Variants in HMCN1 observed in about 807,000 individuals in gnomAD.
The protein encoded by HMCN1 is hemicentin-1.
HMCN1 carries 321 observed loss-of-function variants against 625.9 expected under a neutral mutation model. The ratio of observed to expected loss-of-function variants is 0.51; its 90% CI spans 0.47 to 0.56. The LOEUF (loss-of-function observed/expected upper bound fraction) is 0.56, where lower values mean the gene tolerates loss of function less well. Ranked by LOEUF, HMCN1 falls within the 20% of genes least tolerant of loss-of-function variation. The probability of loss-of-function intolerance (pLI) is 0.00; values close to 1 mark genes in which losing one functional copy is unlikely to be tolerated. For synonymous variants in HMCN1, 2,425 were observed against 2,417.6 expected, an observed-to-expected ratio of 1.00 and a Z score of -0.09; for missense variants, 6,588 against 6,887.3, an observed-to-expected ratio of 0.96 and a Z score of 1.54.
intron 2 of HMCN1, among the ~76,000 whole-genome samples, chr1:185,860,920 G>A (rs925356462): frequency 6.6e-6 from 1 of 151,930 alleles, no homozygotes; most frequent in East Asian, 1.9e-4. Context: ...TGACCATCTT[G>A]ATTTTATTAA....
intron 1 of HMCN1, among the ~76,000 whole-genome samples, chr1:185,788,573 A>C (rs916740927): frequency 1.3e-5 from 2 of 152,312 alleles, no homozygotes; most frequent in African/African-American, 2.4e-5. Context: ...GGGGGTTTTT[A>C]CAGGAAGCCA....
chr1:185,836,264 T>TA (rs1661168404), intron 1 of HMCN1, among the ~76,000 whole-genome samples: 1 of 152,162 alleles, frequency 6.6e-6, no homozygotes, highest in African/African-American at 2.4e-5. Flanking sequence ...TTTTTTTTCT[T>TA]AGATTATAAA....
intron 33 of HMCN1, among the ~76,000 whole-genome samples, chr1:186,017,933 C>G (rs1161452954): frequency 6.6e-6 from 1 of 151,992 alleles, no homozygotes; most frequent in Non-Finnish European, 1.5e-5. Flanking sequence ...CAATCCAATA[C>G]TTCTCCCTTT....
rs571665203 is a variant in HMCN1, at chr1:185,755,864, C to T, written c.268+20817C>T. 6.6e-5 allele frequency among the ~76,000 whole-genome samples: 10 copies of T among 152,274 alleles called. No individual in the cohort carries two copies. The South Asian group carries it at 8.3e-4, about 13-fold the overall frequency. Reference sequence around the variant, plus strand: ...AACCAAAGTTCTTTTCCCAGTGTTACGGCCTTAGAAAGCATGGGCTCTTTT... The same window carrying T: ...AACCAAAGTTCTTTTCCCAGTGTTATGGCCTTAGAAAGCATGGGCTCTTTT... On this transcript the variant is annotated intron_variant, in intron 1 of 106. Coordinates refer to ENST00000271588, the MANE Select transcript of HMCN1 (RefSeq NM_031935.3).
At chr1:185,761,580 C>A (rs2102123476) in intron 1 of HMCN1, among the ~76,000 whole-genome samples, 1 of 152,232 alleles carries the variant, frequency 6.6e-6, no homozygotes. Flanking sequence ...ATCAAAGAGT[C>A]AGACAAGTAA....
Position 186,189,908 on chromosome 1 carries a change from T to A in HMCN1, c.*30T>A. The A allele has an allele frequency of 6.2e-7, 1 of 1,610,240 alleles. No homozygotes were observed. On this transcript the variant is annotated 3_prime_UTR_variant, in exon 107 of 107. Transcript: ENST00000271588. ...CTCTCCAAAGCCTATTCCACATATT[T>A]AAACCGCATTAATCATGGCAATCAA...
At chr1:185,818,689 A>G (rs771870286) in intron 1 of HMCN1, among the ~76,000 whole-genome samples, 1 of 152,116 alleles carries the variant, frequency 6.6e-6, no homozygotes. Flanking sequence ...TATATTTTTC[A>G]TAAGAATTAA....
chr1:185,987,007 A>G (rs1448704138), intron 19 of HMCN1, among the ~76,000 whole-genome samples: 1 of 152,052 alleles, frequency 6.6e-6, no homozygotes, highest in Non-Finnish European at 1.5e-5. Context: ...TGTAGTGGTT[A>G]AACAGCCCAT....
intron 4 of HMCN1, among the ~76,000 whole-genome samples, chr1:185,891,550 A>T (rs372814419): frequency 0.021 from 3,098 of 146,924 alleles, 406 homozygotes; most frequent in African/African-American, 0.079. Context: ...TAAAGTATTT[A>T]ATTTCTCCTT....
intron 83 of HMCN1, 79 bp downstream of exon 83, chr1:186,128,370 G>T: frequency 8.5e-7 from 1 of 1,171,968 alleles, no homozygotes; most frequent in Non-Finnish European, 1.3e-6. Context: ...CTCCAGCTGT[G>T]AAAATTGAAA....
chr1:186,166,506 G>T (rs1651890487), intron 99 of HMCN1, among the ~76,000 whole-genome samples: 1 of 152,210 alleles, frequency 6.6e-6, no homozygotes, highest in African/African-American at 2.4e-5. Context: ...CACTCTCAAG[G>T]CAGGAATGCC....
At chr1:185,973,232 C>T (rs1650952717) in intron 15 of HMCN1, among the ~76,000 whole-genome samples, 2 of 152,078 alleles carry the variant, frequency 1.3e-5, no homozygotes, top group Admixed American at 6.6e-5. Context: ...TTTAATGAAA[C>T]ATGTATCATG....
At chr1:185,772,560 A>T (rs560240259) in intron 1 of HMCN1, among the ~76,000 whole-genome samples, 94 of 152,228 alleles carry the variant, frequency 6.2e-4, no homozygotes, top group Admixed American at 1.2e-3. Context: ...ATATGTTTGT[A>T]TTGGGTATTC....
At chr1:185,769,637 G>A (rs550142531) in intron 1 of HMCN1, among the ~76,000 whole-genome samples, 1 of 152,054 alleles carries the variant, frequency 6.6e-6, no homozygotes, top group Non-Finnish European at 1.5e-5. Flanking sequence ...AACTTAAATG[G>A]TGGTTTTTTA....
chr1:185,746,094 G>A (rs1654374520), intron 1 of HMCN1, among the ~76,000 whole-genome samples: 1 of 152,152 alleles, frequency 6.6e-6, no homozygotes, highest in African/African-American at 2.4e-5. Context: ...AAAATAAAGG[G>A]TAAACAATAT....
chr1:185,790,176 A>G (rs1274585680), intron 1 of HMCN1, among the ~76,000 whole-genome samples: 1 of 152,208 alleles, frequency 6.6e-6, no homozygotes, highest in Non-Finnish European at 1.5e-5. Context: ...CCTTCAAACT[A>G]TTTTAAAATA....
chr1:185,979,739 A>G (rs923804681), intron 16 of HMCN1, among the ~76,000 whole-genome samples: 3 of 152,238 alleles, frequency 2.0e-5, no homozygotes, highest in Non-Finnish European at 4.4e-5. Flanking sequence ...TATGGTTAGC[A>G]GAGGAGTAGA....
chr1:185,781,852 T>A (rs1225406007), intron 1 of HMCN1, among the ~76,000 whole-genome samples: 2 of 152,232 alleles, frequency 1.3e-5, no homozygotes, highest in African/African-American at 2.4e-5. Flanking sequence ...GTTCTGTAGA[T>A]GTCTATTAGG....
chr1:186,089,207 A>G (rs548733961), intron 63 of HMCN1, among the ~76,000 whole-genome samples: 5 of 152,156 alleles, frequency 3.3e-5, no homozygotes, highest in African/African-American at 9.6e-5. Context: ...AAGATGAGCA[A>G]TTCATCAAGT....
Sources: allele counts gnomAD v4.1 joint callset (sites outside exome capture counted in the v4.1 genomes callset), GRCh38; gene constraint gnomAD v4.1.1; transcripts MANE v1.5; gene names NCBI Gene and HGNC (gene_info 2026-07-23, HGNC 2026-07-21).